KCNIP4: variants seen among roughly 807,000 people sequenced by gnomAD.
KCNIP4 encodes the protein potassium voltage-gated channel interacting protein 4, also known as Kv channel-interacting protein 4.
KCNIP4 carries 12 observed loss-of-function variants against 34.0 expected under a neutral mutation model. The observed-to-expected ratio is 0.35, with a 90% CI of 0.23 to 0.57. KCNIP4 has a LOEUF of 0.57. KCNIP4 is among the 20% of genes least tolerant of loss of function. The pLI is 0.83. For missense variants in KCNIP4, 238 were observed against 311.7 expected (o/e 0.76, Z 1.78); for synonymous variants, 124 against 102.2 (o/e 1.21, Z -1.29).
intron 1 of KCNIP4, among the ~76,000 whole-genome samples, chr4:21,387,916 T>C (rs1322687503): frequency 1.3e-5 from 2 of 152,206 alleles, no homozygotes; most frequent in African/African-American, 4.8e-5. Flanking sequence ...GAGACCTTTC[T>C]GCTCCTGAAT....
At chr4:21,661,233 A>G (rs1231708091) in intron 1 of KCNIP4, among the ~76,000 whole-genome samples, 1 of 152,082 alleles carries the variant, frequency 6.6e-6, no homozygotes, top group South Asian at 2.1e-4. Context: ...CCTTCACTCA[A>G]TAAAATCCCC....
intron 1 of KCNIP4, among the ~76,000 whole-genome samples, chr4:21,394,224 C>T (rs1336951492): frequency 6.6e-6 from 1 of 152,116 alleles, no homozygotes; most frequent in Non-Finnish European, 1.5e-5. Context: ...GTCTCTTTTA[C>T]TATATAAGAA....
chr4:21,522,706 CAT>C (rs1735644406), intron 1 of KCNIP4, among the ~76,000 whole-genome samples: 3 of 151,738 alleles, frequency 2.0e-5, no homozygotes, highest in Admixed American at 6.6e-5. Flanking sequence ...CCTGTCCAAC[CAT>C]AGGCAAAATT....
intron 1 of KCNIP4, among the ~76,000 whole-genome samples, chr4:21,843,167 T>C (rs562316448): frequency 6.6e-6 from 1 of 152,218 alleles, no homozygotes; most frequent in African/African-American, 2.4e-5. Context: ...AGTTAACTTG[T>C]TAAAAGCTAT....
chr4:21,511,776 G>A (rs1404119923), intron 1 of KCNIP4, among the ~76,000 whole-genome samples: 3 of 152,066 alleles, frequency 2.0e-5, no homozygotes, highest in Admixed American at 6.6e-5. Context: ...TTAGAGTCCC[G>A]TGATAACTTG....
At chr4:21,379,808 G>A (rs889196692) in intron 1 of KCNIP4, among the ~76,000 whole-genome samples, 3 of 152,040 alleles carry the variant, frequency 2.0e-5, no homozygotes, top group African/African-American at 7.2e-5. Flanking sequence ...TAGAAATTTT[G>A]TAAGTGCTTT....
chr4:21,102,720 A>G (rs1212205145), intron 1 of KCNIP4, among the ~76,000 whole-genome samples: 2 of 152,172 alleles, frequency 1.3e-5, no homozygotes, highest in Admixed American at 1.3e-4. Flanking sequence ...ATCTTCAGAC[A>G]TTATACATTT....
chr4:20,983,271 G>A (rs929636990), intron 1 of KCNIP4, among the ~76,000 whole-genome samples: 1 of 152,190 alleles, frequency 6.6e-6, no homozygotes, highest in Non-Finnish European at 1.5e-5. Context: ...GAATGCAAAT[G>A]AAACACTTGC....
At chr4:21,753,019 T>C (rs921465020) in intron 1 of KCNIP4, among the ~76,000 whole-genome samples, 1 of 152,180 alleles carries the variant, frequency 6.6e-6, no homozygotes, top group Admixed American at 6.5e-5. Context: ...TTCCAAGCAT[T>C]GTGCCTTTCT....
chr4:21,773,661 G>A (rs1718956478), intron 1 of KCNIP4, among the ~76,000 whole-genome samples: 1 of 151,036 alleles, frequency 6.6e-6, no homozygotes, highest in African/African-American at 2.4e-5. Context: ...TCCCTTTATT[G>A]TTATCTAATG....
intron 1 of KCNIP4, among the ~76,000 whole-genome samples, chr4:21,880,674 A>G (rs1726410466): frequency 6.6e-6 from 1 of 152,206 alleles, no homozygotes; most frequent in African/African-American, 2.4e-5. Context: ...AATTTACTGT[A>G]TGGCATGTAT....
chr4:21,342,354 A>T (rs1476397425), intron 1 of KCNIP4, among the ~76,000 whole-genome samples: 1 of 152,194 alleles, frequency 6.6e-6, no homozygotes, highest in East Asian at 1.9e-4. Flanking sequence ...TATAATATAT[A>T]CAGCATAGGA....
intron 1 of KCNIP4, among the ~76,000 whole-genome samples, chr4:21,927,663 C>A (rs553060551): frequency 6.6e-6 from 1 of 152,074 alleles, no homozygotes; most frequent in African/African-American, 2.4e-5. Flanking sequence ...AACAAGTATT[C>A]GGTTTACTTT....
At chr4:21,610,474 C>A (rs1744061580) in intron 1 of KCNIP4, among the ~76,000 whole-genome samples, 1 of 152,136 alleles carries the variant, frequency 6.6e-6, no homozygotes, top group Non-Finnish European at 1.5e-5. Context: ...TCCCATTAAA[C>A]AAATATAGTT....
chr4:20,928,550 G>T (rs75115783), intron 1 of KCNIP4, among the ~76,000 whole-genome samples: 5,065 of 151,754 alleles, frequency 0.033, 100 homozygotes, highest in African/African-American at 0.04. Flanking sequence ...CTAACATTAT[G>T]CCTCAAGAAA....
chr4:20,859,797 GAACA>G (rs1721999732), intron 2 of KCNIP4, among the ~76,000 whole-genome samples: 1 of 152,138 alleles, frequency 6.6e-6, no homozygotes, highest in Admixed American at 6.6e-5. Flanking sequence ...CTTGCCTTAC[GAACA>G]AATATGAGCG....
At chr4:21,106,065 G>A (rs1269285742) in intron 1 of KCNIP4, among the ~76,000 whole-genome samples, 1 of 151,422 alleles carries the variant, frequency 6.6e-6, no homozygotes, top group Non-Finnish European at 1.5e-5. Flanking sequence ...CTCTTTTTTG[G>A]TTGTGTCTCT....
chr4:21,614,011 C>A (rs11942107), intron 1 of KCNIP4, among the ~76,000 whole-genome samples: 1 of 151,412 alleles, frequency 6.6e-6, no homozygotes, highest in Non-Finnish European at 1.5e-5. Flanking sequence ...ATTAGCCAGG[C>A]GTGGTAGCAT....
At chr4:21,104,540 A>G (rs527396867) in intron 1 of KCNIP4, among the ~76,000 whole-genome samples, 3 of 152,236 alleles carry the variant, frequency 2.0e-5, no homozygotes, top group South Asian at 2.1e-4. Context: ...CCCATTCTAT[A>G]GGTTGCCTGT....
Sources: gnomAD v4.1 joint callset for allele counts (sites outside exome capture counted in the v4.1 genomes callset) on GRCh38, gnomAD v4.1.1 for gene constraint, MANE v1.5 for transcripts, NCBI Gene and HGNC (gene_info 2026-07-23, HGNC 2026-07-21) for gene names.